SMYD3: variants seen among roughly 807,000 people sequenced by gnomAD.
SMYD3 encodes SET and MYND domain containing 3.
A neutral mutation model predicts 57.7 loss-of-function variants in SMYD3; 36 were observed. That is an observed-to-expected ratio of 0.62 (90% CI 0.48 to 0.82). The LOEUF (loss-of-function observed/expected upper bound fraction) is 0.82, where lower values mean the gene tolerates loss of function less well. SMYD3 is among the 40% of genes least tolerant of loss of function. SMYD3 has a pLI of 0.00. For synonymous variants in SMYD3, 211 were observed against 195.0 expected (o/e 1.08, Z -0.68); for missense variants, 515 against 538.8 (o/e 0.96, Z 0.44).
chr1:246,229,285 T>G (rs1466785258), intron 5 of SMYD3, among the ~76,000 whole-genome samples: 1 of 152,142 alleles, frequency 6.6e-6, no homozygotes, highest in Non-Finnish European at 1.5e-5. Context: ...TTGAAATCCA[T>G]TTATCTTACT....
rs1558420249 is a variant in SMYD3 at position 246,355,119 on chromosome 1, C to A, written c.165-25G>T. On this transcript the variant is annotated intron_variant, in intron 1 of 11. Transcript: ENST00000490107. This position sits in a 1 kb window ranked among gnomAD's most constrained non-coding sequence, Gnocchi z 5.0. ...CCTGTGGGGAAAAAAATTAATTCTGCATTAAGAAATGAGTGGGAAACATAG... is the reference window on the plus strand; with the variant it reads ...CCTGTGGGGAAAAAAATTAATTCTGAATTAAGAAATGAGTGGGAAACATAG... 6.2e-7 allele frequency: 1 copy of A among 1,611,778 alleles called. No individual in the cohort carries two copies. Among genetic ancestry groups the A allele is most frequent in the South Asian group, 1.1e-5 (1 of 91,024 alleles).
chr1:246,372,249 G>A (rs1444458694), intron 1 of SMYD3, among the ~76,000 whole-genome samples: 2 of 152,212 alleles, frequency 1.3e-5, no homozygotes, highest in African/African-American at 4.8e-5. Flanking sequence ...TTTGATGCCT[G>A]CTGACCCTCC....
intron 5 of SMYD3, among the ~76,000 whole-genome samples, chr1:246,012,284 T>C (rs1309988230): frequency 6.6e-6 from 1 of 152,198 alleles, no homozygotes; most frequent in Non-Finnish European, 1.5e-5. Flanking sequence ...TATTTTCCTC[T>C]TATTTCACAC....
intron 2 of SMYD3, among the ~76,000 whole-genome samples, chr1:246,344,562 T>TA (rs1312640386): frequency 6.6e-6 from 1 of 152,240 alleles, no homozygotes; most frequent in Non-Finnish European, 1.5e-5. Flanking sequence ...TTTGTAGATG[T>TA]AAGTTTTCAT....
chr1:246,366,856 G>T (rs895386875), intron 1 of SMYD3, among the ~76,000 whole-genome samples: 2 of 150,698 alleles, frequency 1.3e-5, no homozygotes, highest in Admixed American at 6.6e-5. Context: ...GCTTGAACCT[G>T]GGAGGTGGAG....
At chr1:246,363,277 G>A (rs1368194407) in intron 1 of SMYD3, among the ~76,000 whole-genome samples, 6 of 150,458 alleles carry the variant, frequency 4.0e-5, no homozygotes, top group Middle Eastern at 3.4e-3. Context: ...CAGGCCAGCC[G>A]CCCCGTCCGG....
chr1:245,761,566 A>G (rs1316640654), intron 11 of SMYD3, among the ~76,000 whole-genome samples: 1 of 152,214 alleles, frequency 6.6e-6, no homozygotes, highest in Admixed American at 6.5e-5. Flanking sequence ...ATAAGAAGCA[A>G]TCTAAATCTT....
chr1:245,994,830 T>TA (rs1339983654), intron 5 of SMYD3, among the ~76,000 whole-genome samples: 2 of 148,654 alleles, frequency 1.3e-5, no homozygotes, highest in Non-Finnish European at 3.0e-5. Flanking sequence ...AGGACACAGG[T>TA]AAAATCTAAC....
chr1:245,966,147 T>G (rs1425521935), intron 5 of SMYD3, among the ~76,000 whole-genome samples: 1 of 152,154 alleles, frequency 6.6e-6, no homozygotes, highest in African/African-American at 2.4e-5. Context: ...TCCGCATTAT[T>G]TTGCTATTTT....
At chr1:246,464,324 T>C (rs950018730) in intron 1 of SMYD3, among the ~76,000 whole-genome samples, 3 of 152,092 alleles carry the variant, frequency 2.0e-5, no homozygotes, top group Admixed American at 6.5e-5. Flanking sequence ...AAGACCAACC[T>C]AGGCACCATG....
intron 9 of SMYD3, 100 bp from the exon 10 acceptor site, chr1:245,858,770 G>A (rs2051385618): frequency 6.7e-6 from 8 of 1,195,464 alleles, no homozygotes; most frequent in Non-Finnish European, 9.3e-6. Context: ...GCACAGGAGC[G>A]AGGGAAGCAC....
intron 5 of SMYD3, among the ~76,000 whole-genome samples, chr1:246,181,350 AC>A (rs1189937916): frequency 6.6e-6 from 1 of 152,154 alleles, no homozygotes; most frequent in Non-Finnish European, 1.5e-5. Context: ...TTGACATTAT[AC>A]TCAGCTGTGA....
intron 5 of SMYD3, among the ~76,000 whole-genome samples, chr1:246,038,474 G>A (rs757271334): frequency 2.0e-5 from 3 of 152,196 alleles, no homozygotes; most frequent in Middle Eastern, 3.4e-3. Context: ...AAAATGGAGC[G>A]AGCATCCTGG....
intron 5 of SMYD3, among the ~76,000 whole-genome samples, chr1:246,270,392 TGCACCATCA>T (rs1436403723): frequency 1.3e-5 from 2 of 152,222 alleles, no homozygotes; most frequent in Non-Finnish European, 2.9e-5. Context: ...CATAATGTTG[TGCACCATCA>T]CCACCATCCA....
chr1:246,390,109 G>T (rs1176316031), intron 1 of SMYD3, among the ~76,000 whole-genome samples: 2 of 149,546 alleles, frequency 1.3e-5, no homozygotes, highest in African/African-American at 4.9e-5. Context: ...GTCCAAGTTG[G>T]GGCAAGTGGT....
chr1:245,850,826 C>T (rs2050932569), intron 10 of SMYD3, among the ~76,000 whole-genome samples: 1 of 152,198 alleles, frequency 6.6e-6, no homozygotes, highest in Non-Finnish European at 1.5e-5. Context: ...AAGGCATCCT[C>T]TGGTGGCCAA....
At chr1:246,448,266 G>GA (rs1431348599) in intron 1 of SMYD3, among the ~76,000 whole-genome samples, 3 of 152,170 alleles carry the variant, frequency 2.0e-5, no homozygotes, top group Non-Finnish European at 2.9e-5. Context: ...ACATGATGCT[G>GA]AAGCCACTAT....
chr1:246,287,939 T>C (rs2064604374), intron 5 of SMYD3, among the ~76,000 whole-genome samples: 1 of 151,790 alleles, frequency 6.6e-6, no homozygotes, highest in Admixed American at 6.6e-5. Flanking sequence ...AGCTGCAGGG[T>C]AGAACCACCT....
chr1:245,802,832 C>T (rs1207458981), intron 10 of SMYD3, among the ~76,000 whole-genome samples: 2 of 152,200 alleles, frequency 1.3e-5, no homozygotes, highest in Non-Finnish European at 2.9e-5. Context: ...CCTTGGGCCT[C>T]GTCTTAAGCT....
Sources: gnomAD v4.1 joint callset for allele counts (sites outside exome capture counted in the v4.1 genomes callset) on GRCh38, gnomAD v4.1.1 for gene constraint, Gnocchi (gnomAD v3.1) non-coding constraint, MANE v1.5 for transcripts, NCBI Gene and HGNC (gene_info 2026-07-23, HGNC 2026-07-21) for gene names.